The following GRIP2 variants were observed in gnomAD, a reference collection of about 807,000 sequenced individuals.
GRIP2 encodes the protein glutamate receptor interacting protein 2, also known as glutamate receptor-interacting protein 2.
A neutral mutation model predicts 108.3 loss-of-function variants in GRIP2; 58 were observed. The ratio of observed to expected loss-of-function variants is 0.54; its 90% confidence interval spans 0.43 to 0.67. GRIP2 has a LOEUF of 0.67. Among genes scored for constraint, GRIP2 ranks in the 30% least tolerant of loss-of-function variants. The probability of loss-of-function intolerance (pLI) is 0.00; values close to 1 mark genes in which losing one functional copy is unlikely to be tolerated. For missense variants in GRIP2, 1,278 were observed against 1,430.6 expected, an observed-to-expected ratio of 0.89 and a Z score of 1.72; for synonymous variants, 586 against 598.2, an observed-to-expected ratio of 0.98 and a Z score of 0.30.
upstream of GRIP2, among the ~76,000 whole-genome samples, chr3:14,557,349 T>TAC (rs979408884): frequency 6.6e-6 from 1 of 152,186 alleles, no homozygotes; most frequent in Non-Finnish European, 1.5e-5. Context: ...TCTTCCACAC[T>TAC]ACCTCCCTGA....
At chr3:14,569,339 C>G in the GRIP2 span, among the ~76,000 whole-genome samples, 1 of 152,232 alleles carries the variant, frequency 6.6e-6, no homozygotes. Context: ...AAACTACACC[C>G]CACCCATTTT....
intron 20 of GRIP2, chr3:14,504,071 G>C (rs1319427093): frequency 8.1e-6 from 2 of 245,524 alleles, no homozygotes; most frequent in Admixed American, 1.0e-4. Context: ...CAGTGACAGG[G>C]ACAGAGCTGG....
the GRIP2 span, among the ~76,000 whole-genome samples, chr3:14,594,034 T>A: frequency 6.6e-6 from 1 of 152,198 alleles, no homozygotes; most frequent in Non-Finnish European, 1.5e-5. Context: ...GCTGCCTCCC[T>A]GTGACTCCTC....
Position 14,521,044 on chromosome 3 carries a change from C to T in GRIP2, c.713-507G>A, listed in dbSNP as rs551093162. On this transcript the variant is annotated intron_variant, in intron 7 of 23. Coordinates refer to ENST00000621039, the MANE Select transcript of GRIP2 (RefSeq NM_001080423.4). The surrounding 1 kb of genome is among the most constrained non-coding windows in gnomAD (Gnocchi z 5.1). ...CCTTCTCCCCTCCTTAGCCACCAGC[C>T]TGGTTCAGTCCCTTAGCTCTCGCTT... 2.8e-5 allele frequency: 5 copies of T among 178,638 alleles called. No individual in the cohort carries two copies. In the East Asian group the frequency reaches 7.4e-4, roughly 26 times the overall value. The allele number at this position is 178,638 out of a possible 1,614,324, so 11.1% of individuals were successfully genotyped here. A position where few individuals can be genotyped will look rare whatever the true frequency, so the allele number is the denominator to read the frequency against.
chr3:14,504,673 G>A (rs1157525185), intron 20 of GRIP2, among the ~76,000 whole-genome samples: 1 of 152,196 alleles, frequency 6.6e-6, no homozygotes, highest in Non-Finnish European at 1.5e-5. Context: ...GAACGAGGAT[G>A]TGTTGCCTCC....
chr3:14,521,809 C>G lies in GRIP2; in HGVS notation c.567-22G>C. On this transcript the variant is annotated intron_variant, in intron 6 of 23. Transcript: ENST00000621039. The surrounding 1 kb of genome is among the most constrained non-coding windows in gnomAD (Gnocchi z 5.1). ...CTCCCTGTAGGGAAGGGCCAGTCAC[C>G]AGCCTGGCCCGGCAGCAGCACTGGG... The G allele has an allele frequency of 6.4e-7, 1 of 1,560,922 alleles. No homozygotes were observed. Among genetic ancestry groups the G allele is most frequent in the South Asian group, 1.2e-5 (1 of 82,936 alleles).
upstream of GRIP2, among the ~76,000 whole-genome samples, chr3:14,543,760 G>A (rs1695015676): frequency 6.6e-6 from 1 of 152,248 alleles, no homozygotes; most frequent in Non-Finnish European, 1.5e-5. Context: ...CAGCCCAGGG[G>A]AGATGGCAGG....
chr3:14,526,433 C>A (rs141108048), intron 1 of GRIP2, among the ~76,000 whole-genome samples: 1 of 152,136 alleles, frequency 6.6e-6, no homozygotes, highest in Non-Finnish European at 1.5e-5. Flanking sequence ...CAGCTCTGAC[C>A]GAGACGAAAC....
the GRIP2 span, among the ~76,000 whole-genome samples, chr3:14,571,210 GTGTC>G: frequency 6.6e-6 from 1 of 152,190 alleles, no homozygotes; most frequent in African/African-American, 2.4e-5. Flanking sequence ...GTGCAGGTGT[GTGTC>G]TGTGTGTGCC....
At chr3:14,529,046 G>T (rs567219816) in intron 1 of GRIP2, among the ~76,000 whole-genome samples, 1 of 151,916 alleles carries the variant, frequency 6.6e-6, no homozygotes, top group African/African-American at 2.4e-5. Flanking sequence ...CAAAGGGGGC[G>T]GATCATGAGG....
At chr3:14,531,884 A>T (rs1291524635) in intron 1 of GRIP2, among the ~76,000 whole-genome samples, 1 of 152,112 alleles carries the variant, frequency 6.6e-6, no homozygotes, top group Non-Finnish European at 1.5e-5. Context: ...GAAGGGACGC[A>T]CCATCAAGCT....
Position 14,521,884 on chromosome 3 carries a change from A to C in GRIP2, c.567-97T>G. 1.9e-6 allele frequency: 2 copies of C among 1,064,916 alleles called. No individual in the cohort carries two copies. Among genetic ancestry groups the C allele is most frequent in the South Asian group, 1.8e-5 (1 of 56,220 alleles). 66.0% of individuals were successfully genotyped at this position (1,064,916 alleles called of 1,614,324 possible). A position where few individuals can be genotyped will look rare whatever the true frequency, so the allele number is the denominator to read the frequency against. On this transcript the variant is annotated intron_variant, in intron 6 of 23. Coordinates refer to ENST00000621039, the MANE Select transcript of GRIP2 (RefSeq NM_001080423.4). The surrounding 1 kb of genome is among the most constrained non-coding windows in gnomAD (Gnocchi z 5.1). ...GGAAGCGGGACATGGAGGATGAAGA[A>C]GCAGGGAATGGGTGGGGGAGGAAGG... is the stretch of plus-strand genomic sequence containing the variant.
At position 14,509,909 on chromosome 3, in the gene GRIP2, C is replaced by A. The variant is rs374400790; in HGVS notation, c.1989G>T (p.Gly663=). 2.2e-5 allele frequency: 34 copies of A among 1,550,098 alleles called. No individual in the cohort carries two copies. The South Asian group carries it at 3.1e-4, about 14-fold the overall frequency. Residue 663 remains glycine (G), a synonymous_variant, in exon 17 of 24, where the codon GGG becomes GGT. Transcript: ENST00000621039. The stretch of plus-strand genomic sequence containing the variant: ...CCGAAATGGTGATGCCCAGGGGACC[C>A]CCGTAGCGCTTCAGCTCCACTGTGT... ...VSYTVELKRY[G]GPLGITISGT...
rs140610749 is a variant in GRIP2, at chr3:14,493,285, A to G, written c.*380T>C. 81 of 198,022 alleles carry G rather than the reference A, an allele frequency of 4.1e-4. 1 individual carries two copies. The East Asian group carries it at 8.0e-3, about 20-fold the overall frequency. The allele number at this position is 198,022 out of a possible 1,614,324, so 12.3% of individuals were successfully genotyped here. ...CCTCCTTGCAGCTCATTCCAGCTCC[A>G]TGGCTTTGCTGGGAGGAAGTGCTCC... On this transcript the variant is annotated 3_prime_UTR_variant, in exon 24 of 24. Transcript: ENST00000621039.
rs190710932 is a variant in GRIP2, at chr3:14,523,978, G to A, written c.404-280C>T. 6.6e-5 allele frequency: 34 copies of A among 514,574 alleles called. 1 individual carries two copies. In the East Asian group the frequency reaches 1.0e-3, roughly 16 times the overall value. 31.9% of individuals were successfully genotyped at this position (514,574 alleles called of 1,614,324 possible). A position where few individuals can be genotyped will look rare whatever the true frequency, so the allele number is the denominator to read the frequency against. ...TCCATGGCTGGTAGGCTCAGGCCAG[G>A]GCTGAATTCCAGACAGTTACTCAAA... On this transcript the variant is annotated intron_variant, in intron 4 of 23. Coordinates refer to ENST00000621039, the MANE Select transcript of GRIP2 (RefSeq NM_001080423.4).
the GRIP2 span, among the ~76,000 whole-genome samples, chr3:14,561,447 C>T: frequency 1.6e-4 from 25 of 151,748 alleles, no homozygotes; most frequent in Non-Finnish European, 2.9e-4. Context: ...GAGAGGTTCC[C>T]CCTGTTGTCA....
At chr3:14,520,858 A>T (rs1016411939) in intron 7 of GRIP2, 20 of 318,246 alleles carry the variant, frequency 6.3e-5, no homozygotes, top group African/African-American at 4.2e-4. Context: ...AAAGTTCACT[A>T]CAACCCATCC....
At chr3:14,577,592 T>C in the GRIP2 span, among the ~76,000 whole-genome samples, 1 of 152,194 alleles carries the variant, frequency 6.6e-6, no homozygotes, top group Non-Finnish European at 1.5e-5. Flanking sequence ...TAGCTCAAGG[T>C]TGCTCATTCA....
Position 14,517,710 on chromosome 3 carries a change from A to G in GRIP2, c.1156+62T>C. 3.8e-6 allele frequency: 6 copies of G among 1,587,028 alleles called. No individual in the cohort carries two copies. The East Asian group carries it at 9.1e-5, about 24-fold the overall frequency. ...AGTTTCCTTCCCTTAGACAACAGGC[A>G]TCGCCCCCTCCCTAGGAAAGGCTAC... On this transcript the variant is annotated intron_variant, in intron 10 of 23. Transcript: ENST00000621039.
Sources: allele counts gnomAD v4.1 joint callset (sites outside exome capture counted in the v4.1 genomes callset), GRCh38; gene constraint gnomAD v4.1.1; non-coding constraint Gnocchi (gnomAD v3.1); transcripts MANE v1.5; gene names NCBI Gene and HGNC (gene_info 2026-07-23, HGNC 2026-07-21).